COL22A1: variants seen among roughly 807,000 people sequenced by gnomAD.
COL22A1 encodes collagen type XXII alpha 1 chain.
Under a neutral mutation model 248.9 loss-of-function variants are expected in COL22A1, and 221 were observed. The ratio of observed to expected loss-of-function variants is 0.89; its 90% CI spans 0.80 to 0.99. COL22A1 has a LOEUF of 0.99. Among genes scored for constraint, COL22A1 ranks in the 50% least tolerant of loss-of-function variants. The pLI is 0.00. For missense variants in COL22A1, 2,240 were observed against 2,179.0 expected (o/e 1.03, Z -0.56); for synonymous variants, 891 against 793.4 (o/e 1.12, Z -2.07).
chr8:138,890,815 C>G (rs1229638773), intron 1 of COL22A1, among the ~76,000 whole-genome samples: 1 of 151,786 alleles, frequency 6.6e-6, no homozygotes, highest in Non-Finnish European at 1.5e-5. Context: ...GAGTTCGAGA[C>G]CAGCATGGGC....
intron 12 of COL22A1, among the ~76,000 whole-genome samples, chr8:138,787,335 C>T (rs954962020): frequency 2.6e-5 from 4 of 152,088 alleles, no homozygotes; most frequent in African/African-American, 9.7e-5. Context: ...GGAAAAAAAG[C>T]CTAGGCTGGG....
rs973670128 is a variant in COL22A1, at chr8:138,615,509, C to T, written c.3924+492G>A. On this transcript the variant is annotated intron_variant, in intron 55 of 64. Coordinates refer to ENST00000303045, the MANE Select transcript of COL22A1 (RefSeq NM_152888.3). The stretch of plus-strand genomic sequence containing the variant: ...TCACGCCAATGCACTTCAGCCTGGG[C>T]GACGGAGTGAGACTCCATCTCAAAA... Among the ~76,000 whole-genome samples, 18 of 144,186 alleles carry T rather than the reference C, an allele frequency of 1.2e-4. No individual in the cohort carries two copies. In the East Asian group the frequency reaches 2.2e-3, roughly 18 times the overall value. The allele number at this position is 144,186 out of a possible 152,430, so 94.6% of individuals were successfully genotyped here.
intron 58 of COL22A1, 21 bp downstream of exon 58, chr8:138,606,360 C>A: frequency 6.2e-7 from 1 of 1,605,824 alleles, no homozygotes; most frequent in Non-Finnish European, 8.5e-7. Context: ...ATCTTGGGCC[C>A]CACTGGGGTT....
intron 10 of COL22A1, among the ~76,000 whole-genome samples, chr8:138,803,372 C>T (rs944294948): frequency 1.3e-5 from 2 of 152,106 alleles, no homozygotes; most frequent in Non-Finnish European, 2.9e-5. Context: ...CATAAAGGTG[C>T]TTTGAAAACT....
At chr8:138,704,416 T>G (rs1422592190) in intron 30 of COL22A1, among the ~76,000 whole-genome samples, 2 of 152,224 alleles carry the variant, frequency 1.3e-5, no homozygotes, top group African/African-American at 4.8e-5. Context: ...GATGCCCCTC[T>G]GAGACGAAGC....
In COL22A1 at chr8:138,830,310, A is replaced by G. The variant is rs1819942489; in HGVS notation, c.845+2729T>C. Among the ~76,000 whole-genome samples, 2 of 152,248 alleles carry G rather than the reference A, an allele frequency of 1.3e-5. 1 individual carries two copies. The highest frequency in any genetic ancestry group is 4.1e-4 in the South Asian group (2 of 4,828). On this transcript the variant is annotated intron_variant, in intron 5 of 64. Coordinates refer to ENST00000303045, the MANE Select transcript of COL22A1 (RefSeq NM_152888.3). ...TTTCTGTTATTGTCATGAGAAATAA[A>G]TTAGATAAGGTGCGTCAATGCCCTT...
At chr8:138,728,024 G>A (rs967170590) in intron 23 of COL22A1, among the ~76,000 whole-genome samples, 1 of 152,112 alleles carries the variant, frequency 6.6e-6, no homozygotes, top group South Asian at 2.1e-4. Context: ...TCCAGGCAAT[G>A]TTTTTTTGTT....
At chr8:138,800,348 G>T (rs1816894502) in intron 11 of COL22A1, among the ~76,000 whole-genome samples, 1 of 152,226 alleles carries the variant, frequency 6.6e-6, no homozygotes, top group African/African-American at 2.4e-5. Flanking sequence ...CATCTGCCAA[G>T]AATTTAGGCT....
At chr8:138,649,822 C>T (rs1182230014) in intron 45 of COL22A1, 44 bp from the exon 46 acceptor site, 7 of 1,246,962 alleles carry the variant, frequency 5.6e-6, no homozygotes, top group East Asian at 2.4e-5. Flanking sequence ...GAATAACTAG[C>T]AAATACAGTT....
rs1239411996 is a variant in COL22A1, at chr8:138,804,749, GGGGTGTGTGTGTGAT to G, written c.1495-1830_1495-1816del. ...GTGATGAGGGGTGTGTATGTGATGA[GGGGTGTGTGTGTGAT>G]GGGTGTGTGTGTGATGAGGTGCGTG... On this transcript the variant is annotated intron_variant, in intron 10 of 64. Transcript: ENST00000303045. 5.3e-5 allele frequency among the ~76,000 whole-genome samples: 8 copies of G among 150,510 alleles called. No individual in the cohort carries two copies. In the East Asian group the frequency reaches 1.4e-3, roughly 26 times the overall value.
intron 3 of COL22A1, among the ~76,000 whole-genome samples, chr8:138,853,828 A>G (rs1321032936): frequency 3.9e-5 from 6 of 152,220 alleles, no homozygotes; most frequent in Admixed American, 3.3e-4. Context: ...TTACAAGAGT[A>G]AGAGACTGCT....
In COL22A1 at chr8:138,598,916, A is replaced by C; in HGVS notation, c.4186-18T>G. On this transcript the variant is annotated intron_variant, in intron 60 of 64. Transcript: ENST00000303045. ...GGATCTCCCTAAGGAGGAAATAAGC[A>C]TGTCAGCATGTGTCTCAGGGCTGGA... 6.2e-7 allele frequency: 1 copy of C among 1,613,592 alleles called. No individual in the cohort carries two copies. The highest frequency in any genetic ancestry group is 8.5e-7 in the Non-Finnish European group (1 of 1,179,684).
intron 12 of COL22A1, among the ~76,000 whole-genome samples, chr8:138,795,122 G>GGTT (rs1404171259): frequency 6.6e-6 from 1 of 152,108 alleles, no homozygotes; most frequent in East Asian, 1.9e-4. Context: ...CAAGAAAGTA[G>GGTT]CTACTGAATT....
At chr8:138,730,241 G>C (rs1325142307) in intron 23 of COL22A1, among the ~76,000 whole-genome samples, 1 of 152,206 alleles carries the variant, frequency 6.6e-6, no homozygotes, top group African/African-American at 2.4e-5. Context: ...GTCAACAGGT[G>C]ACAGGGTGTG....
At chr8:138,646,970 T>C (rs1822257203) in intron 46 of COL22A1, among the ~76,000 whole-genome samples, 1 of 152,174 alleles carries the variant, frequency 6.6e-6, no homozygotes, top group Non-Finnish European at 1.5e-5. Context: ...GGAGCAGCCG[T>C]CCTGCCATTT....
chr8:138,815,827 C>T (rs1033546607), intron 7 of COL22A1, among the ~76,000 whole-genome samples: 24 of 152,114 alleles, frequency 1.6e-4, no homozygotes, highest in African/African-American at 4.8e-4. Context: ...GAGGGGGGAA[C>T]GCTTATTGCA....
intron 58 of COL22A1, 34 bp from the exon 59 acceptor site, chr8:138,604,803 A>T (rs12546923): frequency 1.3e-5 from 20 of 1,585,148 alleles, no homozygotes; most frequent in East Asian, 6.7e-5. Context: ...GTGGCTCTGC[A>T]GCATCAGCCC....
intron 3 of COL22A1, among the ~76,000 whole-genome samples, chr8:138,858,677 G>A (rs892773042): frequency 2.0e-5 from 3 of 152,186 alleles, no homozygotes; most frequent in Admixed American, 2.0e-4. Context: ...GATCCCCAGG[G>A]TCTTTATCGC....
intron 3 of COL22A1, among the ~76,000 whole-genome samples, chr8:138,863,482 G>A (rs1381898931): frequency 2.0e-5 from 3 of 152,148 alleles, no homozygotes; most frequent in African/African-American, 4.8e-5. Context: ...CAGGGATGGT[G>A]TTGGGGGCCT....
Sources: allele counts gnomAD v4.1 joint callset (sites outside exome capture counted in the v4.1 genomes callset), GRCh38; gene constraint gnomAD v4.1.1; transcripts MANE v1.5; gene names NCBI Gene and HGNC (gene_info 2026-07-23, HGNC 2026-07-21).